INTS4: variants seen among roughly 807,000 people sequenced by gnomAD.
INTS4 encodes the protein MSTP093.
INTS4 carries 70 observed loss-of-function variants against 119.5 expected under a neutral mutation model. That is an observed-to-expected ratio of 0.59 (90% CI 0.48 to 0.71). INTS4 has a LOEUF of 0.71. Ranked by LOEUF, INTS4 falls within the 30% of genes least tolerant of loss-of-function variation. The pLI, the probability that INTS4 is intolerant of heterozygous loss-of-function variation, is 0.00. For synonymous variants in INTS4, 316 were observed against 419.6 expected, an observed-to-expected ratio of 0.75 and a Z score of 3.02; for missense variants, 867 against 1,173.2, an observed-to-expected ratio of 0.74 and a Z score of 3.81.
chr11:77,948,351 A>G (rs544028376), intron 8 of INTS4, among the ~76,000 whole-genome samples: 2 of 152,348 alleles, frequency 1.3e-5, no homozygotes, highest in African/African-American at 2.4e-5. Context: ...TCTATCAATA[A>G]CAATCTTGAA....
chr11:77,892,708 G>A (rs112350815), intron 19 of INTS4, among the ~76,000 whole-genome samples: 8,521 of 151,938 alleles, frequency 0.056, 355 homozygotes, highest in Non-Finnish European at 0.076. Flanking sequence ...TCAGCCTCCC[G>A]AGTAGCTGGG....
At chr11:77,986,648 T>C (rs548200338) in intron 2 of INTS4, among the ~76,000 whole-genome samples, 7 of 152,298 alleles carry the variant, frequency 4.6e-5, no homozygotes, top group African/African-American at 1.7e-4. Context: ...CATGGAATAC[T>C]ATGCAGCCAT....
intron 4 of INTS4, among the ~76,000 whole-genome samples, chr11:77,976,920 C>G (rs1855975348): frequency 6.6e-6 from 1 of 151,612 alleles, no homozygotes. Flanking sequence ...ACACCAGGGC[C>G]TGTTGTGGGG....
chr11:77,875,916 G>C (rs943559212), downstream of INTS4, among the ~76,000 whole-genome samples: 2 of 152,158 alleles, frequency 1.3e-5, no homozygotes, highest in Non-Finnish European at 2.9e-5. Context: ...GTTTGGGACA[G>C]GGAGTATGAG....
At chr11:77,919,928 C>A (rs1479098161) in intron 14 of INTS4, among the ~76,000 whole-genome samples, 2 of 152,054 alleles carry the variant, frequency 1.3e-5, no homozygotes, top group Non-Finnish European at 2.9e-5. Flanking sequence ...CCTGCCACAG[C>A]TTCCCGAGTA....
chr11:77,926,806 A>G (rs1953514155), intron 11 of INTS4, among the ~76,000 whole-genome samples: 1 of 97,680 alleles, frequency 1.0e-5, no homozygotes, highest in African/African-American at 4.5e-5. Flanking sequence ...AGCGAGACTC[A>G]GCCTCAAAAA....
intron 4 of INTS4, among the ~76,000 whole-genome samples, chr11:77,971,783 TTTAC>T (rs1230147879): frequency 2.6e-5 from 4 of 152,242 alleles, no homozygotes; most frequent in Non-Finnish European, 5.9e-5. Context: ...ACCCAATTTA[TTTAC>T]TTTTTTCTTT....
chr11:77,956,713 T>A (rs11826940), intron 7 of INTS4, among the ~76,000 whole-genome samples: 587 of 1,452 alleles, frequency 0.4, 98 homozygotes, highest in African/African-American at 0.59. Context: ...TCTCAAAAAA[T>A]AATAATAATA....
intron 4 of INTS4, among the ~76,000 whole-genome samples, chr11:77,962,051 G>T (rs1565275478): frequency 6.6e-6 from 1 of 152,202 alleles, no homozygotes; most frequent in Non-Finnish European, 1.5e-5. Flanking sequence ...AGTAGCTCAT[G>T]CCTATAATCC....
chr11:77,904,601 T>C (rs545442451), intron 16 of INTS4, among the ~76,000 whole-genome samples: 2 of 152,350 alleles, frequency 1.3e-5, no homozygotes, highest in Non-Finnish European at 2.9e-5. Flanking sequence ...CTGGTGGCTA[T>C]CAAATTAAAC....
At chr11:77,974,219 G>A (rs1855851344) in intron 4 of INTS4, among the ~76,000 whole-genome samples, 1 of 144,054 alleles carries the variant, frequency 6.9e-6, no homozygotes, top group South Asian at 2.2e-4. Context: ...CTAATTTATT[G>A]GTATATAATT....
chr11:77,927,312 A>G (rs1953532447), intron 11 of INTS4, among the ~76,000 whole-genome samples: 1 of 152,230 alleles, frequency 6.6e-6, no homozygotes, highest in African/African-American at 2.4e-5. Context: ...TTTATAATTC[A>G]GGAAAAATCT....
chr11:77,925,774 G>A (rs1953484062), intron 11 of INTS4, among the ~76,000 whole-genome samples: 1 of 152,128 alleles, frequency 6.6e-6, no homozygotes, highest in Non-Finnish European at 1.5e-5. Context: ...TCTCACTGTG[G>A]TTCACTCCTA....
intron 16 of INTS4, among the ~76,000 whole-genome samples, chr11:77,906,221 C>A (rs1276020437): frequency 6.6e-6 from 1 of 152,094 alleles, no homozygotes; most frequent in Non-Finnish European, 1.5e-5. Flanking sequence ...TAACATTACA[C>A]CCTAAATATT....
Position 77,879,130 on chromosome 11 carries a change from G to A in INTS4, c.2714-3C>T. ...CCTCACTTCCACCTGGCATGCCTCT[G>A]AAAAAAAGATAAAAGAAATCCTCTA... On this transcript the variant is annotated splice_polypyrimidine_tract_variant and splice_region_variant and intron_variant, in intron 22 of 22. Coordinates refer to ENST00000534064, the MANE Select transcript of INTS4 (RefSeq NM_033547.4). 6.2e-7 allele frequency: 1 copy of A among 1,610,708 alleles called. No homozygotes were observed.
chr11:77,923,182 G>GTGGC (rs1953405521), intron 12 of INTS4, among the ~76,000 whole-genome samples: 2 of 152,046 alleles, frequency 1.3e-5, no homozygotes, highest in Admixed American at 1.3e-4. Context: ...GCTGGGCATG[G>GTGGC]TGGCACGGGC....
chr11:77,976,027 G>A (rs889059593), intron 4 of INTS4, among the ~76,000 whole-genome samples: 3 of 150,982 alleles, frequency 2.0e-5, no homozygotes, highest in Non-Finnish European at 2.9e-5. Flanking sequence ...TGCTTAACTG[G>A]CAAAGGACAT....
In INTS4 at chr11:77,901,543, T is replaced by C; in HGVS notation, c.2106A>G (p.Glu702=). ...ACATGAATTCCATTTTGTAGGTCTC[T>C]TCCATAATCTATAAAGGAAAGATAA... is the stretch of plus-strand genomic sequence containing the variant. The part of the protein sequence containing the change: ...LASAAAKQIM[E]ETYKMEFMYS... The change falls in exon 18 of 23, where the codon GAA becomes GAG. Residue 702 remains glutamate (E), a synonymous_variant. Coordinates refer to ENST00000534064, the MANE Select transcript of INTS4 (RefSeq NM_033547.4). 1 of 1,603,260 alleles carries C rather than the reference T, an allele frequency of 6.2e-7. No individual in the cohort carries two copies.
At chr11:77,989,416 G>A (rs776091130) in intron 2 of INTS4, among the ~76,000 whole-genome samples, 26 of 151,890 alleles carry the variant, frequency 1.7e-4, no homozygotes, top group Non-Finnish European at 3.4e-4. Context: ...GAACCCAGGA[G>A]TGCTATTACA....
Sources: gnomAD v4.1 joint callset for allele counts (sites outside exome capture counted in the v4.1 genomes callset) on GRCh38, gnomAD v4.1.1 for gene constraint, MANE v1.5 for transcripts, NCBI Gene and HGNC (gene_info 2026-07-23, HGNC 2026-07-21) for gene names.